Variants in PARVA observed in about 807,000 individuals in gnomAD.
PARVA encodes the protein alpha-parvin.
In PARVA, 25 loss-of-function variants were observed where a neutral mutation model predicts 52.6. That is an observed-to-expected ratio of 0.48 (90% CI 0.35 to 0.66). The LOEUF is 0.66. PARVA is among the 30% of genes least tolerant of loss of function. The probability of loss-of-function intolerance (pLI) is 0.01; values close to 1 mark genes in which losing one functional copy is unlikely to be tolerated. For missense variants in PARVA, 373 were observed against 450.9 expected, an observed-to-expected ratio of 0.83 and a Z score of 1.56; for synonymous variants, 185 against 179.1, an observed-to-expected ratio of 1.03 and a Z score of -0.26.
chr11:12,522,930 G>A (rs957588401), intron 12 of PARVA, among the ~76,000 whole-genome samples: 2 of 151,936 alleles, frequency 1.3e-5, no homozygotes, highest in African/African-American at 4.8e-5. Context: ...GTAATCATAA[G>A]TGTCAGCACA....
intron 12 of PARVA, among the ~76,000 whole-genome samples, chr11:12,521,065 A>G (rs1941630925): frequency 6.6e-6 from 1 of 152,186 alleles, no homozygotes; most frequent in Admixed American, 6.5e-5. Context: ...TAGACTCATC[A>G]TCAATTATGG....
chr11:12,427,067 A>G (rs1255000600), intron 1 of PARVA, among the ~76,000 whole-genome samples: 1 of 152,220 alleles, frequency 6.6e-6, no homozygotes, highest in Non-Finnish European at 1.5e-5. Flanking sequence ...CAGCATGAGA[A>G]AGAAAATAAA....
intron 3 of PARVA, among the ~76,000 whole-genome samples, chr11:12,476,489 C>G (rs1322051956): frequency 6.6e-6 from 1 of 151,632 alleles, no homozygotes; most frequent in Admixed American, 6.6e-5. Flanking sequence ...CAAGACCCTG[C>G]CTCAAAAGGA....
intron 6 of PARVA, among the ~76,000 whole-genome samples, chr11:12,507,704 G>A (rs996805724): frequency 1.2e-4 from 18 of 152,118 alleles, no homozygotes; most frequent in South Asian, 2.1e-4. Flanking sequence ...GGGTGACCAC[G>A]TAATCTATTA....
At chr11:12,448,635 C>G (rs1210572336) in intron 1 of PARVA, among the ~76,000 whole-genome samples, 2 of 152,136 alleles carry the variant, frequency 1.3e-5, no homozygotes, top group Admixed American at 6.5e-5. Context: ...TGGGATCAGA[C>G]AGTGATGCTG....
At chr11:12,438,479 A>G (rs1241845665) in intron 1 of PARVA, among the ~76,000 whole-genome samples, 4 of 152,162 alleles carry the variant, frequency 2.6e-5, no homozygotes, top group African/African-American at 4.8e-5. Context: ...CACTCCTGCA[A>G]TAATGGCATT....
intron 1 of PARVA, among the ~76,000 whole-genome samples, chr11:12,443,165 C>CCTT (rs1564848188): frequency 4.4e-4 from 42 of 95,060 alleles, no homozygotes; most frequent in African/African-American, 1.4e-3. Context: ...CCGGCGCCCC[C>CCTT]CTTCTTTTTT....
chr11:12,475,468 AC>A (rs1404654440), intron 3 of PARVA, among the ~76,000 whole-genome samples: 1 of 152,072 alleles, frequency 6.6e-6, no homozygotes, highest in Non-Finnish European at 1.5e-5. Context: ...CTATCATTGT[AC>A]CCCAAGGACC....
At chr11:12,513,756 C>T (rs1307864651) in intron 9 of PARVA, 2 of 593,294 alleles carry the variant, frequency 3.4e-6, no homozygotes, top group Non-Finnish European at 6.0e-6. Context: ...ATCATTCTGC[C>T]TCTTGGGACC....
intron 1 of PARVA, among the ~76,000 whole-genome samples, chr11:12,437,268 A>G (rs1940399090): frequency 6.6e-6 from 1 of 152,204 alleles, no homozygotes; most frequent in African/African-American, 2.4e-5. Flanking sequence ...GTGAGGTACA[A>G]GAAGGATATC....
chr11:12,465,383 A>AT (rs901061360), intron 1 of PARVA, among the ~76,000 whole-genome samples: 2 of 151,914 alleles, frequency 1.3e-5, no homozygotes, highest in Non-Finnish European at 2.9e-5. Context: ...TGTAAGAAAT[A>AT]TTTTTTTTCT....
chr11:12,496,283 A>C (rs1941296592), intron 4 of PARVA, among the ~76,000 whole-genome samples, 175 bp from the exon 5 acceptor site: 1 of 152,078 alleles, frequency 6.6e-6, no homozygotes. Context: ...TGGTGCCACC[A>C]TAAGGTGATG....
chr11:12,421,332 G>A (rs1272488481), intron 1 of PARVA, among the ~76,000 whole-genome samples: 1 of 152,132 alleles, frequency 6.6e-6, no homozygotes, highest in Non-Finnish European at 1.5e-5. Context: ...GGGCTCTGGT[G>A]GTGGCCAGTA....
At chr11:12,435,021 A>G (rs1054746413) in intron 1 of PARVA, among the ~76,000 whole-genome samples, 3 of 152,154 alleles carry the variant, frequency 2.0e-5, no homozygotes, top group African/African-American at 7.2e-5. Context: ...AAACTCACGT[A>G]TAGATAAGGT....
intron 4 of PARVA, among the ~76,000 whole-genome samples, chr11:12,481,821 T>A (rs983173545): frequency 6.6e-6 from 1 of 151,992 alleles, no homozygotes; most frequent in African/African-American, 2.4e-5. Flanking sequence ...TAGAAGATGA[T>A]GGAAATGGCA....
chr11:12,497,022 C>T (rs74889859), intron 5 of PARVA, among the ~76,000 whole-genome samples: 1,897 of 152,220 alleles, frequency 0.012, 17 homozygotes, highest in Non-Finnish European at 0.021. Flanking sequence ...CCAAAGCCCG[C>T]GCCCTTCCAA....
rs1030862242 is a variant in PARVA at position 12,534,905 on chromosome 11, T to C, written c.*6980T>C. On this transcript the variant is annotated 3_prime_UTR_variant, in exon 13 of 13. Transcript: ENST00000334956. ...TTCAGGCTTTAGGGGTTACCCCATC[T>C]TTCCTTATGTGTGTAATATTGGAGA... 7.9e-5 allele frequency among the ~76,000 whole-genome samples: 12 copies of C among 152,240 alleles called. No individual in the cohort carries two copies. The highest frequency in any genetic ancestry group is 1.6e-4 in the Non-Finnish European group (11 of 68,038).
At chr11:12,377,990 G>C (rs1042292733) in intron 1 of PARVA, among the ~76,000 whole-genome samples, 189 of 148,330 alleles carry the variant, frequency 1.3e-3, no homozygotes, top group African/African-American at 4.5e-3. Context: ...GGCCATCGAG[G>C]CCACCCCGCC....
At chr11:12,520,689 C>A (rs1365565199) in intron 12 of PARVA, among the ~76,000 whole-genome samples, 2 of 152,200 alleles carry the variant, frequency 1.3e-5, no homozygotes, top group African/African-American at 4.8e-5. Flanking sequence ...GAAGCTCACA[C>A]CTGTAATCCC....
Sources: allele counts gnomAD v4.1 joint callset (sites outside exome capture counted in the v4.1 genomes callset), GRCh38; gene constraint gnomAD v4.1.1; transcripts MANE v1.5; gene names NCBI Gene and HGNC (gene_info 2026-07-23, HGNC 2026-07-21).